PTPRD: variants seen among roughly 807,000 people sequenced by gnomAD.
The protein encoded by PTPRD is protein tyrosine phosphatase receptor type D.
Under a neutral mutation model 214.5 loss-of-function variants are expected in PTPRD, and 34 were observed. That is an observed-to-expected ratio of 0.16 (90% CI 0.12 to 0.21). The LOEUF (loss-of-function observed/expected upper bound fraction) is 0.21, where lower values mean the gene tolerates loss of function less well. Among genes scored for constraint, PTPRD ranks in the 10% least tolerant of loss-of-function variants. PTPRD has a pLI of 1.00. For synonymous variants in PTPRD, 1,128 were observed against 845.7 expected, an observed-to-expected ratio of 1.33 and a Z score of -5.79; for missense variants, 2,545 against 2,398.7, an observed-to-expected ratio of 1.06 and a Z score of -1.27.
chr9:9,404,071 A>G (rs1311986594), intron 8 of PTPRD, among the ~76,000 whole-genome samples: 1 of 152,050 alleles, frequency 6.6e-6, no homozygotes, highest in East Asian at 1.9e-4. Context: ...AAAGAAGGCC[A>G]ATGTGACTAG....
intron 11 of PTPRD, among the ~76,000 whole-genome samples, chr9:8,895,769 GT>G (rs1215853389): frequency 1.3e-5 from 2 of 152,178 alleles, no homozygotes; most frequent in African/African-American, 4.8e-5. Flanking sequence ...AGTTTACTGT[GT>G]AAAGACAGGT....
intron 11 of PTPRD, among the ~76,000 whole-genome samples, chr9:8,962,420 G>C (rs546153629): frequency 3.9e-4 from 60 of 152,164 alleles, no homozygotes; most frequent in African/African-American, 1.4e-3. Flanking sequence ...TTTTCACATG[G>C]ATTGGAAGGT....
At chr9:10,099,218 A>C (rs1174287924) in intron 3 of PTPRD, among the ~76,000 whole-genome samples, 1 of 151,736 alleles carries the variant, frequency 6.6e-6, no homozygotes, top group African/African-American at 2.4e-5. Context: ...ATCAGACTTC[A>C]TGGGTACAAA....
chr9:9,194,218 A>G (rs1479795886), intron 9 of PTPRD, among the ~76,000 whole-genome samples: 1 of 152,162 alleles, frequency 6.6e-6, no homozygotes, highest in Non-Finnish European at 1.5e-5. Flanking sequence ...GCCATCATCT[A>G]TGATAACAAT....
In PTPRD at chr9:10,483,005, C is replaced by A. The variant is rs192722884; in HGVS notation, c.-600+129393G>T. ...GCAATCCTAAGCAAAAAGAACAAAT[C>A]TGGAGGCATCGTATGACTCAACTTC... On this transcript the variant is annotated intron_variant, in intron 2 of 45. Transcript: ENST00000381196. Among the ~76,000 whole-genome samples, 28 of 152,230 alleles carry A rather than the reference C, an allele frequency of 1.8e-4. 1 individual carries two copies. Among genetic ancestry groups the A allele is most frequent in the Middle Eastern group, 6.8e-3 (2 of 294 alleles).
intron 2 of PTPRD, among the ~76,000 whole-genome samples, chr9:10,503,190 A>G (rs1320719114): frequency 8.8e-6 from 1 of 114,020 alleles, no homozygotes; most frequent in Non-Finnish European, 1.7e-5. Flanking sequence ...CACAGCTGCA[A>G]TACAAAAAAA....
At chr9:9,952,202 G>C (rs1051837098) in intron 4 of PTPRD, among the ~76,000 whole-genome samples, 3 of 152,076 alleles carry the variant, frequency 2.0e-5, no homozygotes, top group Non-Finnish European at 1.5e-5. Context: ...AAGGAGAAAT[G>C]GTAACTTTGA....
chr9:9,089,706 A>G (rs1275369625), intron 10 of PTPRD, among the ~76,000 whole-genome samples: 1 of 152,194 alleles, frequency 6.6e-6, no homozygotes, highest in African/African-American at 2.4e-5. Context: ...TTTATAATGC[A>G]GAGTAAGAAC....
intron 9 of PTPRD, among the ~76,000 whole-genome samples, chr9:9,252,210 A>C (rs7037501): frequency 0.065 from 9,837 of 152,068 alleles, 351 homozygotes; most frequent in South Asian, 0.083. Context: ...GACAAAGAAG[A>C]AGCTCCAAAA....
At chr9:9,317,103 A>T (rs1327911317) in intron 9 of PTPRD, among the ~76,000 whole-genome samples, 2 of 152,136 alleles carry the variant, frequency 1.3e-5, no homozygotes, top group Non-Finnish European at 2.9e-5. Flanking sequence ...CAATATTTTC[A>T]ATGTTTTACT....
chr9:9,063,116 G>A (rs1298123757), intron 10 of PTPRD, among the ~76,000 whole-genome samples: 2 of 152,090 alleles, frequency 1.3e-5, no homozygotes, highest in South Asian at 2.1e-4. Context: ...ACATTGAGCT[G>A]GGAGTCAAGA....
chr9:8,589,426 C>A (rs2093928810), intron 14 of PTPRD, among the ~76,000 whole-genome samples: 1 of 152,162 alleles, frequency 6.6e-6, no homozygotes, highest in African/African-American at 2.4e-5. Context: ...GACTTTCTGA[C>A]TTGTCGCTTG....
At chr9:10,016,206 G>GA (rs1270454349) in intron 4 of PTPRD, among the ~76,000 whole-genome samples, 1 of 152,070 alleles carries the variant, frequency 6.6e-6, no homozygotes. Flanking sequence ...GCAAGTATTA[G>GA]AAAAATGCTT....
chr9:9,848,652 C>G (rs908125210), intron 5 of PTPRD, among the ~76,000 whole-genome samples: 2 of 151,988 alleles, frequency 1.3e-5, no homozygotes, highest in African/African-American at 4.8e-5. Context: ...TATTCAGTAA[C>G]ACATGTTAAA....
chr9:8,669,380 G>C (rs564881514), intron 12 of PTPRD, among the ~76,000 whole-genome samples: 2 of 152,278 alleles, frequency 1.3e-5, no homozygotes, highest in Admixed American at 1.3e-4. Flanking sequence ...CTGCTATAGA[G>C]ATTTCTGAGG....
chr9:10,080,211 A>G (rs1353483138), intron 3 of PTPRD, among the ~76,000 whole-genome samples: 1 of 152,152 alleles, frequency 6.6e-6, no homozygotes, highest in Non-Finnish European at 1.5e-5. Flanking sequence ...AATCATCACC[A>G]TTATAGCTGG....
chr9:9,355,732 T>C (rs915363087), intron 9 of PTPRD, among the ~76,000 whole-genome samples: 23 of 151,398 alleles, frequency 1.5e-4, no homozygotes, highest in African/African-American at 5.6e-4. Flanking sequence ...AGCCATGGGA[T>C]TGAGTAAAAA....
intron 4 of PTPRD, among the ~76,000 whole-genome samples, chr9:10,005,909 A>C (rs1454704032): frequency 6.6e-6 from 1 of 152,092 alleles, no homozygotes. Context: ...TTAAATAATC[A>C]GTCAAATGAG....
chr9:9,926,596 T>A (rs762909858), intron 5 of PTPRD, among the ~76,000 whole-genome samples: 16 of 152,136 alleles, frequency 1.1e-4, no homozygotes, highest in African/African-American at 3.9e-4. Context: ...AATTGTATCA[T>A]TAAAATAACT....
Sources: allele counts gnomAD v4.1 joint callset (sites outside exome capture counted in the v4.1 genomes callset), GRCh38; gene constraint gnomAD v4.1.1; transcripts MANE v1.5; gene names NCBI Gene and HGNC (gene_info 2026-07-23, HGNC 2026-07-21).